Variants in MYT1L observed in about 807,000 individuals in gnomAD.
MYT1L encodes the protein myelin transcription factor 1-like protein.
Under a neutral mutation model 126.7 loss-of-function variants are expected in MYT1L, and 12 were observed. The ratio of observed to expected loss-of-function variants is 0.09; its 90% CI spans 0.06 to 0.15. MYT1L has a LOEUF of 0.15. Ranked by LOEUF, MYT1L falls within the 10% of genes least tolerant of loss-of-function variation. MYT1L has a pLI of 1.00. For missense variants in MYT1L, 979 were observed against 1,585.2 expected (o/e 0.62, Z 6.49); for synonymous variants, 541 against 604.2 (o/e 0.90, Z 1.53).
Position 1,863,741 on chromosome 2 carries a change from A to AGG in MYT1L, c.2712-12040_2712-12039dup, listed in dbSNP as rs11384404. Reference sequence around the variant, plus strand: ...AACCATGTCACTTGAGAAACAAAAAAGGGGGGGGCATTTGGGGATATTTGG... The same window carrying AGG: ...AACCATGTCACTTGAGAAACAAAAAAGGGGGGGGGGCATTTGGGGATATTTGG... On this transcript the variant is annotated intron_variant, in intron 18 of 24. Coordinates refer to ENST00000647738, the MANE Select transcript of MYT1L (RefSeq NM_001303052.2). Among the ~76,000 whole-genome samples the AGG allele has an allele frequency of 6.0e-4, 86 of 142,836 alleles. No homozygotes were observed. In the South Asian group the frequency reaches 7.9e-3, roughly 13 times the overall value. The allele number at this position is 142,836 out of a possible 152,430, so 93.7% of individuals were successfully genotyped here.
At chr2:2,295,522 A>T (rs2149486149) in intron 1 of MYT1L, among the ~76,000 whole-genome samples, 1 of 151,440 alleles carries the variant, frequency 6.6e-6, no homozygotes, top group African/African-American at 2.4e-5. Context: ...GGGGCAGAGG[A>T]GGTGCAGAGA....
At chr2:2,018,908 G>A (rs2064730917) in intron 4 of MYT1L, among the ~76,000 whole-genome samples, 2 of 152,154 alleles carry the variant, frequency 1.3e-5, no homozygotes, top group African/African-American at 4.8e-5. Flanking sequence ...ACTCACGTGG[G>A]CATATTACAT....
chr2:2,247,809 A>G (rs1008540057), intron 2 of MYT1L, among the ~76,000 whole-genome samples: 3 of 152,198 alleles, frequency 2.0e-5, no homozygotes, highest in Admixed American at 2.0e-4. Flanking sequence ...AAAGAAATTC[A>G]GAAGAAAATT....
chr2:1,913,520 G>A (rs1281935028), intron 11 of MYT1L, among the ~76,000 whole-genome samples: 3 of 152,132 alleles, frequency 2.0e-5, no homozygotes, highest in African/African-American at 2.4e-5. Flanking sequence ...AAGCATGTGC[G>A]TGGTCCTCCT....
chr2:2,315,752 T>C (rs993101523), intron 1 of MYT1L, among the ~76,000 whole-genome samples: 1 of 152,240 alleles, frequency 6.6e-6, no homozygotes, highest in African/African-American at 2.4e-5. Flanking sequence ...GGTCTATGTT[T>C]ACAACATCTC....
Position 2,261,564 on chromosome 2 carries a change from G to A in MYT1L, c.-421+22840C>T, listed in dbSNP as rs867357006. ...ACTTCTATCAATAGGGAGTTGGCAG[G>A]TGAGATGTTCAGATTTGGCTAATGA... On this transcript the variant is annotated intron_variant, in intron 2 of 24. Coordinates refer to ENST00000647738, the MANE Select transcript of MYT1L (RefSeq NM_001303052.2). Among the ~76,000 whole-genome samples, 26 of 152,312 alleles carry A rather than the reference G, an allele frequency of 1.7e-4. No homozygotes were observed. The Middle Eastern group carries it at 0.014, about 80-fold the overall frequency.
chr2:2,250,870 G>A (rs2094629037), intron 2 of MYT1L, among the ~76,000 whole-genome samples: 2 of 151,934 alleles, frequency 1.3e-5, no homozygotes. Context: ...ATGTATTCTA[G>A]TTATTCTCTT....
At chr2:2,318,283 T>G (rs1250461754) in intron 1 of MYT1L, among the ~76,000 whole-genome samples, 1 of 152,218 alleles carries the variant, frequency 6.6e-6, no homozygotes, top group Non-Finnish European at 1.5e-5. Context: ...ATTCCACATT[T>G]AATATACATA....
At chr2:1,924,050 A>C (rs1206652384) in intron 9 of MYT1L, among the ~76,000 whole-genome samples, 1 of 152,198 alleles carries the variant, frequency 6.6e-6, no homozygotes, top group Admixed American at 6.5e-5. Context: ...CAGCTACTGC[A>C]CAGTGTTTGA....
intron 1 of MYT1L, chr2:2,325,618 C>T (rs2096236732): frequency 6.6e-6 from 1 of 152,254 alleles, no homozygotes; most frequent in East Asian, 1.9e-4. Context: ...GTGACCATAC[C>T]GTTTCACTCT....
chr2:1,830,402 A>G (rs1343559336), intron 21 of MYT1L, among the ~76,000 whole-genome samples: 2 of 152,198 alleles, frequency 1.3e-5, no homozygotes, highest in Non-Finnish European at 2.9e-5. Context: ...CTGGCCCATA[A>G]TAAGTCCTGA....
rs1466512652 is a variant in MYT1L, at chr2:2,262,939, G to GACATATATAT, written c.-421+21464_-421+21465insATATATATGT. 1.8e-3 allele frequency among the ~76,000 whole-genome samples: 94 copies of GACATATATAT among 51,958 alleles called. 5 individuals carry two copies. Among genetic ancestry groups the GACATATATAT allele is most frequent in the African/African-American group, 7.5e-3 (88 of 11,716 alleles). The allele number at this position is 51,958 out of a possible 152,430, so 34.1% of individuals were successfully genotyped here. On this transcript the variant is annotated intron_variant, in intron 2 of 24. Coordinates refer to ENST00000647738, the MANE Select transcript of MYT1L (RefSeq NM_001303052.2). ...AAATATATATATATATATAACCTGT[G>GACATATATAT]ATATATATATATATATCACAGGTAA... is the stretch of plus-strand genomic sequence containing the variant.
At chr2:2,257,908 G>C (rs377002774) in intron 2 of MYT1L, among the ~76,000 whole-genome samples, 1 of 140,934 alleles carries the variant, frequency 7.1e-6, no homozygotes. Flanking sequence ...AGTTCATATG[G>C]AACCAAAAAA....
At chr2:2,252,433 T>C (rs550897331) in intron 2 of MYT1L, among the ~76,000 whole-genome samples, 6 of 152,212 alleles carry the variant, frequency 3.9e-5, no homozygotes, top group Non-Finnish European at 7.3e-5. Context: ...CTGTTCTTCC[T>C]ATTGAGCTGC....
chr2:1,930,140 A>T (rs1175377959), intron 9 of MYT1L, among the ~76,000 whole-genome samples: 1 of 152,166 alleles, frequency 6.6e-6, no homozygotes, highest in Non-Finnish European at 1.5e-5. Context: ...AGCGCTCAGG[A>T]AGGACACAGA....
At chr2:2,147,105 A>T (rs1216431653) in intron 3 of MYT1L, among the ~76,000 whole-genome samples, 1 of 152,230 alleles carries the variant, frequency 6.6e-6, no homozygotes, top group Non-Finnish European at 1.5e-5. Context: ...AGCTGCTAGC[A>T]GGCTTGAAAA....
chr2:2,311,256 C>T (rs1309872336), intron 1 of MYT1L, among the ~76,000 whole-genome samples: 10 of 152,336 alleles, frequency 6.6e-5, no homozygotes, highest in East Asian at 3.9e-4. Flanking sequence ...AATTAAGACA[C>T]GAACCATGTT....
At chr2:2,275,480 G>C (rs959651254) in intron 2 of MYT1L, among the ~76,000 whole-genome samples, 1 of 152,110 alleles carries the variant, frequency 6.6e-6, no homozygotes, top group Non-Finnish European at 1.5e-5. Flanking sequence ...AGTGCCCCCA[G>C]TTGGGCGATT....
Position 2,029,902 on chromosome 2 carries a change from A to G in MYT1L, c.-158+24076T>C, listed in dbSNP as rs2066044240. On this transcript the variant is annotated intron_variant, in intron 4 of 24. Coordinates refer to ENST00000647738, the MANE Select transcript of MYT1L (RefSeq NM_001303052.2). ...TTAGCCATTTTTATTTGCATATCTTATAATTTATATAACTTTTTTACCTGT... is the reference window on the plus strand; with the variant it reads ...TTAGCCATTTTTATTTGCATATCTTGTAATTTATATAACTTTTTTACCTGT... Among the ~76,000 whole-genome samples the G allele has an allele frequency of 2.6e-5, 4 of 152,322 alleles. No individual in the cohort carries two copies. The South Asian group carries it at 8.3e-4, about 32-fold the overall frequency.
Sources: allele counts gnomAD v4.1 joint callset (sites outside exome capture counted in the v4.1 genomes callset), GRCh38; gene constraint gnomAD v4.1.1; transcripts MANE v1.5; gene names NCBI Gene and HGNC (gene_info 2026-07-23, HGNC 2026-07-21).